Variants in PTGFRN observed in about 807,000 individuals in gnomAD.
PTGFRN encodes the protein prostaglandin F2 receptor inhibitor.
PTGFRN carries 35 observed loss-of-function variants against 83.2 expected under a neutral mutation model. The ratio of observed to expected loss-of-function variants is 0.42; its 90% CI spans 0.32 to 0.56. PTGFRN has a LOEUF of 0.56. Ranked by LOEUF, PTGFRN falls within the 20% of genes least tolerant of loss-of-function variation. PTGFRN has a pLI of 0.11. For synonymous variants in PTGFRN, 519 were observed against 498.6 expected (o/e 1.04, Z -0.55); for missense variants, 1,051 against 1,179.5 (o/e 0.89, Z 1.60).
In PTGFRN at chr1:116,987,391, G is replaced by T; in HGVS notation, c.*424G>T. 5.0e-6 allele frequency: 1 copy of T among 201,406 alleles called. No homozygotes were observed. The highest frequency in any genetic ancestry group is 1.0e-5 in the Non-Finnish European group (1 of 98,422). 12.5% of individuals were successfully genotyped at this position (201,406 alleles called of 1,614,324 possible). ...CCGCCTGAGAGCCAGCTTCCGCGTTGGAGGCACGTGTTCAGAGAGCTGCTG... is the reference window on the plus strand; with the variant it reads ...CCGCCTGAGAGCCAGCTTCCGCGTTTGAGGCACGTGTTCAGAGAGCTGCTG... On this transcript the variant is annotated 3_prime_UTR_variant, in exon 9 of 9. Transcript: ENST00000393203.
intron 7 of PTGFRN, among the ~76,000 whole-genome samples, chr1:116,980,603 G>C (rs1187309895): frequency 6.6e-6 from 1 of 152,092 alleles, no homozygotes; most frequent in Non-Finnish European, 1.5e-5. Flanking sequence ...ACTGTCACAA[G>C]GACAAAAAAC....
intron 1 of PTGFRN, among the ~76,000 whole-genome samples, chr1:116,940,259 G>A (rs1435599371): frequency 6.6e-6 from 1 of 152,124 alleles, no homozygotes; most frequent in Non-Finnish European, 1.5e-5. Context: ...GGGCTGAGAG[G>A]GAGAATCTGT....
chr1:116,942,768 A>G (rs1650093608), intron 2 of PTGFRN, among the ~76,000 whole-genome samples: 1 of 151,948 alleles, frequency 6.6e-6, no homozygotes, highest in Non-Finnish European at 1.5e-5. Flanking sequence ...ATGTTTTGGG[A>G]TTTGTTTTGG....
intron 1 of PTGFRN, among the ~76,000 whole-genome samples, chr1:116,914,974 C>G (rs1233155898): frequency 6.6e-6 from 1 of 152,158 alleles, no homozygotes; most frequent in East Asian, 1.9e-4. Context: ...TTATTCCTCA[C>G]AACAATACTT....
In PTGFRN at chr1:116,933,104, GGAGA is replaced by G. The variant is rs1297740909; in HGVS notation, c.50-8606_50-8603del. ...TCTTACTCGATTCTAATATTGTTGT[GGAGA>G]GAGACTGGGAGACTTGATAGTAAAT... is the stretch of plus-strand genomic sequence containing the variant. On this transcript the variant is annotated intron_variant, in intron 1 of 8. Coordinates refer to ENST00000393203, the MANE Select transcript of PTGFRN (RefSeq NM_020440.4). Among the ~76,000 whole-genome samples, 6 of 152,292 alleles carry G rather than the reference GGAGA, an allele frequency of 3.9e-5. No homozygotes were observed. In the East Asian group the frequency reaches 1.2e-3, roughly 29 times the overall value.
chr1:116,945,011 G>C lies in PTGFRN; in HGVS notation c.751G>C (p.Glu251Gln), dbSNP rs200993488. ...DQGSYRCIVS[E>Q]WIAEQGNWQE... is the part of the protein sequence containing the mutation. ...GGGCTCCTACAGGTGTATCGTCAGC[G>C]AGTGGATCGCCGAGCAGGGCAACTG... Residue 251 changes from glutamate (E) to glutamine (Q), a missense_variant, in exon 3 of 9, where the codon GAG becomes CAG. Physicochemically the swap from Glu to Gln is conservative, Grantham distance 29. This residue lies in a region of PTGFRN where 719 missense variants were observed against 836.6 expected (regional missense o/e 0.86). Transcript: ENST00000393203. 2 of 1,613,906 alleles carry C rather than the reference G, an allele frequency of 1.2e-6. No individual in the cohort carries two copies. The highest frequency in any genetic ancestry group is 8.5e-7 in the Non-Finnish European group (1 of 1,180,032).
rs1161288655 is a variant in PTGFRN, at chr1:116,910,075, GAGAGCGGAGC to G, written c.-126_-117del. On this transcript the variant is annotated 5_prime_UTR_variant, in exon 1 of 9. Coordinates refer to ENST00000393203, the MANE Select transcript of PTGFRN (RefSeq NM_020440.4). Reference sequence around the variant, plus strand: ...GCGCTGGGATTTATCGGCTCGCGAGGAGAGCGGAGCAGGCGCGCGGCCCAGGCGGAGGAGC... The same window carrying G: ...GCGCTGGGATTTATCGGCTCGCGAGGAGGCGCGCGGCCCAGGCGGAGGAGC... 7.8e-6 allele frequency: 8 copies of G among 1,020,660 alleles called. No homozygotes were observed. The highest frequency in any genetic ancestry group is 1.0e-5 in the Non-Finnish European group (7 of 687,252). The allele number at this position is 1,020,660 out of a possible 1,614,324, so 63.2% of individuals were successfully genotyped here.
At chr1:116,933,567 A>G (rs567149449) in intron 1 of PTGFRN, among the ~76,000 whole-genome samples, 4 of 152,266 alleles carry the variant, frequency 2.6e-5, no homozygotes, top group Admixed American at 6.5e-5. Flanking sequence ...CATGATTTCA[A>G]CTGGGATTAT....
At chr1:116,955,334 G>A (rs1371817175) in intron 4 of PTGFRN, among the ~76,000 whole-genome samples, 1 of 152,162 alleles carries the variant, frequency 6.6e-6, no homozygotes, top group Non-Finnish European at 1.5e-5. Context: ...GTGTGTTGTT[G>A]TTTGTTTTTA....
chr1:116,922,752 G>T (rs1252365524), intron 1 of PTGFRN, among the ~76,000 whole-genome samples: 1 of 152,130 alleles, frequency 6.6e-6, no homozygotes, highest in African/African-American at 2.4e-5. Context: ...AAGGCATTTG[G>T]GCCTCAAGAC....
At chr1:116,953,089 A>C (rs937752310) in intron 4 of PTGFRN, among the ~76,000 whole-genome samples, 10 of 152,194 alleles carry the variant, frequency 6.6e-5, no homozygotes, top group African/African-American at 2.4e-4. Flanking sequence ...GAAGTACCAG[A>C]CTTCTGTGGC....
intron 3 of PTGFRN, among the ~76,000 whole-genome samples, chr1:116,948,260 G>A (rs940281359): frequency 1.3e-5 from 2 of 152,290 alleles, no homozygotes; most frequent in South Asian, 2.1e-4. Context: ...CTTCTGAATA[G>A]AATAAAATGT....
rs528869315 is a variant in PTGFRN, at chr1:116,975,232, C to T, written c.2167+909C>T. ...AGGTAAACAGAGCTGCAGGGAAGCT[C>T]GAACTGGGTGGAGCCCACTGCAGCT... On this transcript the variant is annotated intron_variant, in intron 7 of 8. Transcript: ENST00000393203. 1.4e-3 allele frequency among the ~76,000 whole-genome samples: 214 copies of T among 152,304 alleles called. 2 individuals are homozygous for T. Among genetic ancestry groups the T allele is most frequent in the African/African-American group, 4.8e-3 (200 of 41,566 alleles).
intron 1 of PTGFRN, among the ~76,000 whole-genome samples, chr1:116,915,289 A>T (rs1570641655): frequency 1.3e-5 from 2 of 152,230 alleles, no homozygotes; most frequent in East Asian, 3.8e-4. Flanking sequence ...CAGTGCCAGC[A>T]TGCACCTCAG....
chr1:116,960,695 A>G (rs1218261165), intron 4 of PTGFRN, among the ~76,000 whole-genome samples: 1 of 152,172 alleles, frequency 6.6e-6, no homozygotes, highest in Admixed American at 6.5e-5. Context: ...GAGGACATAA[A>G]TATGTAGGGG....
At chr1:116,963,995 G>A (rs954717900) in intron 5 of PTGFRN, among the ~76,000 whole-genome samples, 6 of 151,850 alleles carry the variant, frequency 4.0e-5, no homozygotes, top group Non-Finnish European at 7.4e-5. Flanking sequence ...GTCCAGGCTG[G>A]TCTTGAACTC....
chr1:116,949,109 A>G, intron 3 of PTGFRN, 83 bp from the exon 4 acceptor site: 1 of 1,485,224 alleles, frequency 6.7e-7, no homozygotes. Context: ...AAGAACTTAA[A>G]AGGAGATGCT....
At chr1:116,981,749 A>G (rs1394255635) in intron 7 of PTGFRN, among the ~76,000 whole-genome samples, 1 of 152,278 alleles carries the variant, frequency 6.6e-6, no homozygotes, top group African/African-American at 2.4e-5. Context: ...GAAGCCGTAG[A>G]TAATAATGTA....
rs1250271504 is a variant in PTGFRN, at chr1:116,984,887, A to G, written c.2375A>G (p.Tyr792Cys). The G allele has an allele frequency of 6.2e-6, 10 of 1,614,054 alleles. No individual in the cohort carries two copies. The highest frequency in any genetic ancestry group is 1.3e-5 in the African/African-American group (1 of 75,010). The change falls in exon 8 of 9, where the codon TAC becomes TGC. Residue 792 changes from tyrosine (Y) to cysteine (C), a missense_variant. Around this residue, in one of 3 missense-constraint regions of PTGFRN, gnomAD observed 719 missense variants for 836.6 expected, o/e 0.86. Transcript: ENST00000393203. ...GAGGACCAGGACTTTGGCAACTACTACTGTTCCGTGACTCCATGGGTGAAG... is the reference window on the plus strand; with the variant it reads ...GAGGACCAGGACTTTGGCAACTACTGCTGTTCCGTGACTCCATGGGTGAAG... ...GSEDQDFGNY[Y>C]CSVTPWVKSP...
Sources: allele counts gnomAD v4.1 joint callset (sites outside exome capture counted in the v4.1 genomes callset), GRCh38; gene constraint gnomAD v4.1.1; regional missense constraint gnomAD v4.1.1; transcripts MANE v1.5; gene names NCBI Gene and HGNC (gene_info 2026-07-23, HGNC 2026-07-21).